SYT2: variants seen among roughly 807,000 people sequenced by gnomAD.
SYT2 encodes synaptotagmin-2.
In SYT2, 15 loss-of-function variants were observed where a neutral mutation model predicts 39.9. The ratio of observed to expected loss-of-function variants is 0.38; its 90% CI spans 0.25 to 0.58. The LOEUF is 0.58. SYT2 is among the 20% of genes least tolerant of loss of function. The pLI is 0.70. For missense variants in SYT2, 389 were observed against 530.3 expected (o/e 0.73, Z 2.62); for synonymous variants, 181 against 204.5 (o/e 0.89, Z 0.98).
chr1:202,617,687 G>C (rs769568881), intron 1 of SYT2, among the ~76,000 whole-genome samples: 1 of 151,682 alleles, frequency 6.6e-6, no homozygotes, highest in Non-Finnish European at 1.5e-5. Context: ...CCCTACCCCC[G>C]CATCAAGGCC....
At chr1:202,657,290 C>A (rs1183563326) in intron 1 of SYT2, among the ~76,000 whole-genome samples, 1 of 152,184 alleles carries the variant, frequency 6.6e-6, no homozygotes, top group Admixed American at 6.5e-5. Flanking sequence ...AGCAACCCAC[C>A]AGAAGAGTCT....
At chr1:202,674,184 C>T (rs1653272060) in intron 1 of SYT2, among the ~76,000 whole-genome samples, 1 of 152,164 alleles carries the variant, frequency 6.6e-6, no homozygotes, top group South Asian at 2.1e-4. Context: ...TCGCTGCAAC[C>T]TCCGCCTCCT....
At chr1:202,691,879 T>C (rs546870616) in intron 1 of SYT2, among the ~76,000 whole-genome samples, 1 of 152,006 alleles carries the variant, frequency 6.6e-6, no homozygotes, top group South Asian at 2.1e-4. Context: ...GATGACCCTA[T>C]TCAGATGAAT....
chr1:202,615,119 G>A (rs893031914), intron 1 of SYT2, among the ~76,000 whole-genome samples: 16 of 152,156 alleles, frequency 1.1e-4, no homozygotes, highest in African/African-American at 3.6e-4. Flanking sequence ...CGGCATTCCC[G>A]GGGAATCCAC....
intron 1 of SYT2, among the ~76,000 whole-genome samples, chr1:202,640,193 C>T (rs776121632): frequency 1.1e-4 from 16 of 151,150 alleles, no homozygotes; most frequent in African/African-American, 2.4e-4. Flanking sequence ...ACTGGAATCA[C>T]GGGGCAGTGA....
chr1:202,708,826 G>A (rs958352826), intron 1 of SYT2, among the ~76,000 whole-genome samples: 1 of 152,202 alleles, frequency 6.6e-6, no homozygotes, highest in Non-Finnish European at 1.5e-5. Context: ...GCTTTTTTCA[G>A]CACCTCTGCT....
At chr1:202,620,674 AAATGCCCAG>A (rs1691180688) in intron 1 of SYT2, among the ~76,000 whole-genome samples, 1 of 152,018 alleles carries the variant, frequency 6.6e-6, no homozygotes, top group Non-Finnish European at 1.5e-5. Flanking sequence ...CCTTAACTCC[AAATGCCCAG>A]ATATGCTCAG....
rs953315366 is a variant in SYT2, at chr1:202,614,081, G to A, written c.-17-8292C>T. ...GCCCTGGCACCGTAGAGGGACCCAAGGTTCATGGTGGATGCAGGCCTTCTC... is the reference window on the plus strand; with the variant it reads ...GCCCTGGCACCGTAGAGGGACCCAAAGTTCATGGTGGATGCAGGCCTTCTC... On this transcript the variant is annotated intron_variant, in intron 1 of 8. Transcript: ENST00000367268. The surrounding 1 kb of genome is among the most constrained non-coding windows in gnomAD (Gnocchi z 4.0). Among the ~76,000 whole-genome samples the A allele has an allele frequency of 2.0e-5, 3 of 152,216 alleles. No homozygotes were observed. Among genetic ancestry groups the A allele is most frequent in the Admixed American group, 6.5e-5 (1 of 15,280 alleles).
chr1:202,697,249 T>C (rs989877124), intron 1 of SYT2, among the ~76,000 whole-genome samples: 3 of 152,200 alleles, frequency 2.0e-5, no homozygotes, highest in Admixed American at 6.5e-5. Context: ...GGATCTCACA[T>C]GGAGCAGTCC....
At position 202,595,314 on chromosome 1, in the gene SYT2, TAGA is replaced by T. The variant is rs1419894378; in HGVS notation, c.*1440_*1442del. On this transcript the variant is annotated 3_prime_UTR_variant, in exon 9 of 9. Transcript: ENST00000367268. The stretch of plus-strand genomic sequence containing the variant: ...TACAACTGAGCATGGGTAGAAACCC[TAGA>T]AGGTCACCTCTGCTACTCATTTGGA... 6.6e-6 allele frequency: 1 copy of T among 152,224 alleles called. No individual in the cohort carries two copies. The highest frequency in any genetic ancestry group is 1.5e-5 in the Non-Finnish European group (1 of 68,026). 9.4% of individuals were successfully genotyped at this position (152,224 alleles called of 1,614,324 possible).
At chr1:202,657,880 TC>T (rs1692307539) in intron 1 of SYT2, among the ~76,000 whole-genome samples, 1 of 152,144 alleles carries the variant, frequency 6.6e-6, no homozygotes, top group African/African-American at 2.4e-5. Context: ...ATCCTGCATC[TC>T]CTCTTTGACT....
chr1:202,596,896 A>C lies in SYT2; in HGVS notation c.1121T>G (p.Ile374Ser). Residue 374 changes from isoleucine to serine, a missense_variant, in exon 9 of 9, where the codon ATC (isoleucine) becomes AGC (serine). Physicochemically the swap from Ile to Ser is moderately radical, Grantham distance 142. Coordinates refer to ENST00000367268, the MANE Select transcript of SYT2 (RefSeq NM_177402.5). ...KLGKNEAIGKIFVGSNATGTE... is the reference protein window; with the variant it reads ...KLGKNEAIGKSFVGSNATGTE... ...GCCCGTGGCATTGCTGCCCACGAAGATCTTGCCTATGGCTTCGTTCTTGCC... is the reference window on the plus strand; with the variant it reads ...GCCCGTGGCATTGCTGCCCACGAAGCTCTTGCCTATGGCTTCGTTCTTGCC... The C allele has an allele frequency of 6.2e-7, 1 of 1,614,238 alleles. No individual in the cohort carries two copies. Among genetic ancestry groups the C allele is most frequent in the South Asian group, 1.1e-5 (1 of 91,092 alleles).
chr1:202,674,229 G>A (rs1373524419), intron 1 of SYT2, among the ~76,000 whole-genome samples: 1 of 152,170 alleles, frequency 6.6e-6, no homozygotes, highest in African/African-American at 2.4e-5. Context: ...AGCCTCCTGA[G>A]TAGCTGGGAT....
In SYT2 at chr1:202,592,919, TTAATAA is replaced by T. The variant is rs1300703635; in HGVS notation, c.*3832_*3837del. ...CTATTTGCCTAGGACATATTTACAC[TTAATAA>T]TTGTTTGTTGTTGAACTGAAATTCA... On this transcript the variant is annotated 3_prime_UTR_variant, in exon 9 of 9. Coordinates refer to ENST00000367268, the MANE Select transcript of SYT2 (RefSeq NM_177402.5). The T allele has an allele frequency of 6.6e-6, 1 of 152,240 alleles. No individual in the cohort carries two copies. The highest frequency in any genetic ancestry group is 1.5e-5 in the Non-Finnish European group (1 of 68,036). 9.4% of individuals were successfully genotyped at this position (152,240 alleles called of 1,614,324 possible).
At chr1:202,625,109 G>GT (rs1691348121) in intron 1 of SYT2, among the ~76,000 whole-genome samples, 1 of 750 alleles carries the variant, frequency 1.3e-3, no homozygotes, top group African/African-American at 2.7e-3. Flanking sequence ...TGTGTGTGGT[G>GT]TGTGTGGTAT....
At position 202,640,911 on chromosome 1, in the gene SYT2, C is replaced by T. The variant is rs184294640; in HGVS notation, c.-17-35122G>A. Among the ~76,000 whole-genome samples, 247 of 152,280 alleles carry T rather than the reference C, an allele frequency of 1.6e-3. 3 individuals are homozygous for T. The Middle Eastern group carries it at 0.027, about 17-fold the overall frequency. On this transcript the variant is annotated intron_variant, in intron 1 of 8. Transcript: ENST00000367268. ...CAAGTCCACAATCTTTCCCTGCTCCCCATGGCCACTACTCACAGCTGCCCT... is the reference window on the plus strand; with the variant it reads ...CAAGTCCACAATCTTTCCCTGCTCCTCATGGCCACTACTCACAGCTGCCCT...
At chr1:202,615,880 T>C (rs1691018139) in intron 1 of SYT2, among the ~76,000 whole-genome samples, 1 of 152,146 alleles carries the variant, frequency 6.6e-6, no homozygotes, top group Non-Finnish European at 1.5e-5. Context: ...GCCTACAACT[T>C]GTTCGCAATT....
chr1:202,651,833 G>A (rs576081193), intron 1 of SYT2, among the ~76,000 whole-genome samples: 1 of 152,340 alleles, frequency 6.6e-6, no homozygotes, highest in Admixed American at 6.5e-5. Flanking sequence ...GGCTGAGGCA[G>A]GCAGATCACG....
rs144340510 is a variant in SYT2 at position 202,696,825 on chromosome 1, A to G, written c.-18+13433T>C. 9.6e-4 allele frequency among the ~76,000 whole-genome samples: 147 copies of G among 152,374 alleles called. 1 individual carries two copies. Among genetic ancestry groups the G allele is most frequent in the African/African-American group, 3.5e-3 (147 of 41,584 alleles). On this transcript the variant is annotated intron_variant, in intron 1 of 8. Coordinates refer to ENST00000367268, the MANE Select transcript of SYT2 (RefSeq NM_177402.5). ...AACTTTGGACAAAAAAAGGCATCTT[A>G]GCACTATGGAATGTATTTGAAGCAG...
Sources: allele counts gnomAD v4.1 joint callset (sites outside exome capture counted in the v4.1 genomes callset), GRCh38; gene constraint gnomAD v4.1.1; non-coding constraint Gnocchi (gnomAD v3.1); transcripts MANE v1.5; gene names NCBI Gene and HGNC (gene_info 2026-07-23, HGNC 2026-07-21).